Variants in EPHB1 observed in about 807,000 individuals in gnomAD.
EPHB1 encodes the protein ephrin type-B receptor 1.
A neutral mutation model predicts 94.4 loss-of-function variants in EPHB1; 30 were observed. The observed-to-expected ratio is 0.32, with a 90% confidence interval of 0.24 to 0.43. EPHB1 has a LOEUF of 0.43. Ranked by LOEUF, EPHB1 falls within the 20% of genes least tolerant of loss-of-function variation. The pLI is 1.00. For missense variants in EPHB1, 1,055 were observed against 1,308.3 expected (o/e 0.81, Z 2.99); for synonymous variants, 522 against 489.1 (o/e 1.07, Z -0.89).
chr3:134,877,701 G>T (rs73217008), intron 1 of EPHB1, among the ~76,000 whole-genome samples: 12,757 of 152,250 alleles, frequency 0.084, 608 homozygotes, highest in South Asian at 0.11. Flanking sequence ...CACTGCATGT[G>T]CTTTCCTGGT....
chr3:134,806,796 G>C (rs544638328), intron 1 of EPHB1, among the ~76,000 whole-genome samples: 27 of 152,208 alleles, frequency 1.8e-4, no homozygotes, highest in African/African-American at 5.3e-4. Context: ...ACAGCCCTTG[G>C]GAGCATACAT....
rs1463712566 is a variant in EPHB1, at chr3:135,201,824, C to G, written c.2346+135C>G. Reference sequence around the variant, plus strand: ...AGCTCTCCACTGAAAGACCAAGATGCCAGGAGGACCATCCAGCTGGGAGAA... The same window carrying G: ...AGCTCTCCACTGAAAGACCAAGATGGCAGGAGGACCATCCAGCTGGGAGAA... On this transcript the variant is annotated intron_variant, in intron 12 of 15. Coordinates refer to ENST00000398015, the MANE Select transcript of EPHB1 (RefSeq NM_004441.5). The G allele has an allele frequency of 5.2e-5, 43 of 828,714 alleles. 1 individual carries two copies. In the South Asian group the frequency reaches 7.7e-4, roughly 15 times the overall value. 51.3% of individuals were successfully genotyped at this position (828,714 alleles called of 1,614,324 possible).
chr3:135,158,416 G>A (rs1000356008), intron 6 of EPHB1, among the ~76,000 whole-genome samples: 7 of 152,172 alleles, frequency 4.6e-5, no homozygotes, highest in East Asian at 3.9e-4. Context: ...CCTTTGTAGC[G>A]GGAAAGTAGC....
chr3:135,215,216 T>G (rs1943119429), intron 12 of EPHB1, among the ~76,000 whole-genome samples: 2 of 151,834 alleles, frequency 1.3e-5, no homozygotes, highest in African/African-American at 4.8e-5. Flanking sequence ...CAGGCTGGAG[T>G]GCAATGGTGC....
At chr3:134,887,155 T>C (rs2037878192) in intron 1 of EPHB1, among the ~76,000 whole-genome samples, 1 of 152,104 alleles carries the variant, frequency 6.6e-6, no homozygotes, top group South Asian at 2.1e-4. Flanking sequence ...CTGCATTTAG[T>C]TGTAGGGTTG....
chr3:135,237,520 C>A (rs769299582), intron 12 of EPHB1, among the ~76,000 whole-genome samples: 1 of 152,020 alleles, frequency 6.6e-6, no homozygotes, highest in South Asian at 2.1e-4. Context: ...CTCCCTCCCC[C>A]ATGCTCCAAC....
chr3:135,225,672 T>G (rs1476936222), intron 12 of EPHB1, among the ~76,000 whole-genome samples: 1 of 151,804 alleles, frequency 6.6e-6, no homozygotes, highest in East Asian at 1.9e-4. Flanking sequence ...GTGGCAAGTT[T>G]AGGAAGGCCA....
At position 135,177,360 on chromosome 3, in the gene EPHB1, G is replaced by A. The variant is rs117076597; in HGVS notation, c.1760-2500G>A. ...TTGCATTCTGAGTGCATCTGTTGCT[G>A]CCAGTCGCACATCAGCTGGCTTCCA... On this transcript the variant is annotated intron_variant, in intron 9 of 15. Coordinates refer to ENST00000398015, the MANE Select transcript of EPHB1 (RefSeq NM_004441.5). Among the ~76,000 whole-genome samples, 29 of 152,298 alleles carry A rather than the reference G, an allele frequency of 1.9e-4. No homozygotes were observed. In the East Asian group the frequency reaches 5.4e-3, roughly 28 times the overall value.
intron 12 of EPHB1, among the ~76,000 whole-genome samples, chr3:135,230,692 GTA>G (rs963017569): frequency 1.3e-5 from 2 of 152,142 alleles, no homozygotes; most frequent in Admixed American, 6.5e-5. Context: ...AACCCAATAA[GTA>G]GTTTTTCAAC....
At chr3:135,032,764 A>G (rs550069411) in intron 3 of EPHB1, among the ~76,000 whole-genome samples, 1 of 152,254 alleles carries the variant, frequency 6.6e-6, no homozygotes, top group South Asian at 2.1e-4. Context: ...ACTGAATTTT[A>G]TTTATTCATT....
At chr3:134,928,658 C>T (rs1394495334) in intron 2 of EPHB1, among the ~76,000 whole-genome samples, 1 of 152,128 alleles carries the variant, frequency 6.6e-6, no homozygotes, top group Non-Finnish European at 1.5e-5. Flanking sequence ...GAAGGTGTGC[C>T]ATCAGTATTC....
intron 3 of EPHB1, among the ~76,000 whole-genome samples, chr3:135,029,804 T>C (rs1367466146): frequency 6.6e-6 from 1 of 152,146 alleles, no homozygotes; most frequent in Admixed American, 6.5e-5. Flanking sequence ...TCCTGGATAA[T>C]ATCCTGCAGA....
At chr3:134,978,070 G>A (rs1341254072) in intron 3 of EPHB1, 1 of 436,638 alleles carries the variant, frequency 2.3e-6, no homozygotes, top group African/African-American at 2.0e-5. Context: ...CCCCCTCTGA[G>A]GAAGCAGGTG....
chr3:134,812,008 G>A (rs753063276), intron 1 of EPHB1, among the ~76,000 whole-genome samples: 5 of 152,194 alleles, frequency 3.3e-5, no homozygotes, highest in Non-Finnish European at 7.3e-5. Flanking sequence ...AGGTGTGGAA[G>A]CATTTCAGGA....
chr3:135,069,875 C>A (rs1364014211), intron 3 of EPHB1, among the ~76,000 whole-genome samples: 5 of 151,890 alleles, frequency 3.3e-5, no homozygotes, highest in African/African-American at 1.2e-4. Context: ...GTAGTGTTTC[C>A]CCAAATGTTT....
rs1322561264 is a variant in EPHB1 at position 135,260,271 on chromosome 3, C to T, written c.*1151C>T. On this transcript the variant is annotated 3_prime_UTR_variant, in exon 16 of 16. Coordinates refer to ENST00000398015, the MANE Select transcript of EPHB1 (RefSeq NM_004441.5). Reference sequence around the variant, plus strand: ...TGCTTTACCTATGGACTGGCTTAAGCCGTGTGGCATCCGAGGAATGTTTCA... The same window carrying T: ...TGCTTTACCTATGGACTGGCTTAAGTCGTGTGGCATCCGAGGAATGTTTCA... 4.3e-6 allele frequency: 1 copy of T among 232,878 alleles called. No individual in the cohort carries two copies. Among genetic ancestry groups the T allele is most frequent in the East Asian group, 6.1e-5 (1 of 16,504 alleles). The allele number at this position is 232,878 out of a possible 1,614,324, so 14.4% of individuals were successfully genotyped here.
At chr3:135,133,270 C>T (rs1304556130) in intron 5 of EPHB1, among the ~76,000 whole-genome samples, 2 of 152,174 alleles carry the variant, frequency 1.3e-5, no homozygotes, top group African/African-American at 4.8e-5. Context: ...TTCTTGTGCC[C>T]AGCACAAAAG....
rs1388707268 is a variant in EPHB1, at chr3:135,179,455, A to C, written c.1760-405A>C. ...CTTAACAGTGGCCTCCACTCAGGAA[A>C]GTTGTCAAGTTGATAAATATTGATA... On this transcript the variant is annotated intron_variant, in intron 9 of 15. Coordinates refer to ENST00000398015, the MANE Select transcript of EPHB1 (RefSeq NM_004441.5). Among the ~76,000 whole-genome samples the C allele has an allele frequency of 1.1e-4, 17 of 152,274 alleles. No homozygotes were observed. In the East Asian group the frequency reaches 3.1e-3, roughly 28 times the overall value.
chr3:135,139,967 C>T (rs1940764239), intron 5 of EPHB1, among the ~76,000 whole-genome samples: 1 of 152,130 alleles, frequency 6.6e-6, no homozygotes, highest in African/African-American at 2.4e-5. Context: ...CTGCTAATAG[C>T]TCCAGAACAG....
Sources: gnomAD v4.1 joint callset for allele counts (sites outside exome capture counted in the v4.1 genomes callset) on GRCh38, gnomAD v4.1.1 for gene constraint, MANE v1.5 for transcripts, NCBI Gene and HGNC (gene_info 2026-07-23, HGNC 2026-07-21) for gene names.